The following DSCAM variants were observed in gnomAD, a reference collection of about 807,000 sequenced individuals.
DSCAM encodes the protein DS cell adhesion molecule, also known as cell adhesion molecule DSCAM.
A neutral mutation model predicts 217.7 loss-of-function variants in DSCAM; 47 were observed. The observed-to-expected ratio is 0.22, with a 90% CI of 0.17 to 0.28. DSCAM has a LOEUF of 0.28. Among genes scored for constraint, DSCAM ranks in the 10% least tolerant of loss-of-function variants. The pLI is 1.00. For synonymous variants in DSCAM, 1,056 were observed against 1,015.3 expected (o/e 1.04, Z -0.76); for missense variants, 2,080 against 2,618.3 (o/e 0.79, Z 4.49).
intron 3 of DSCAM, among the ~76,000 whole-genome samples, chr21:40,430,233 G>C (rs983953718): frequency 6.6e-6 from 1 of 152,206 alleles, no homozygotes; most frequent in African/African-American, 2.4e-5. Flanking sequence ...TTGATGTAGA[G>C]ACAGCTGTGA....
In DSCAM at chr21:40,347,659, G is replaced by A; in HGVS notation, c.1210+11C>T. ...CTTTTTCAGCCATACCCTGAAACGAGGCCCACTGACCTTCAAGGACCACCT... is the reference window on the plus strand; with the variant it reads ...CTTTTTCAGCCATACCCTGAAACGAAGCCCACTGACCTTCAAGGACCACCT... On this transcript the variant is annotated intron_variant, in intron 6 of 32. Transcript: ENST00000400454. 6.2e-7 allele frequency: 1 copy of A among 1,612,964 alleles called. No homozygotes were observed. The highest frequency in any genetic ancestry group is 8.5e-7 in the Non-Finnish European group (1 of 1,179,678).
At chr21:40,453,650 C>T (rs988692825) in intron 3 of DSCAM, among the ~76,000 whole-genome samples, 3 of 152,234 alleles carry the variant, frequency 2.0e-5, no homozygotes, top group African/African-American at 7.2e-5. Context: ...CTGCTGTTGA[C>T]AAGAGATAAA....
At chr21:40,249,807 G>T (rs550538657) in intron 11 of DSCAM, among the ~76,000 whole-genome samples, 35 of 152,238 alleles carry the variant, frequency 2.3e-4, no homozygotes, top group African/African-American at 7.5e-4. Context: ...CTTGCAGCCA[G>T]AAGAGAAGAG....
chr21:40,551,703 G>A (rs542465255), intron 3 of DSCAM, among the ~76,000 whole-genome samples: 3 of 152,138 alleles, frequency 2.0e-5, no homozygotes, highest in Non-Finnish European at 2.9e-5. Context: ...TTCTTTATCT[G>A]TTATGTGATA....
At chr21:40,069,874 G>A (rs1396411891) in intron 27 of DSCAM, among the ~76,000 whole-genome samples, 1 of 151,974 alleles carries the variant, frequency 6.6e-6, no homozygotes, top group East Asian at 1.9e-4. Flanking sequence ...GAAAACTGTG[G>A]CAGACATATA....
At chr21:40,784,657 A>G (rs949013974) in intron 1 of DSCAM, among the ~76,000 whole-genome samples, 7 of 152,184 alleles carry the variant, frequency 4.6e-5, no homozygotes, top group African/African-American at 1.7e-4. Flanking sequence ...TTGGGAGGTG[A>G]TTAATTCATG....
chr21:40,701,043 T>C (rs2090651377), intron 2 of DSCAM, among the ~76,000 whole-genome samples: 1 of 152,100 alleles, frequency 6.6e-6, no homozygotes, highest in Non-Finnish European at 1.5e-5. Context: ...TGGCCAAAAT[T>C]ATTATTTCTT....
chr21:40,633,511 A>C (rs2089719055), intron 3 of DSCAM, among the ~76,000 whole-genome samples: 1 of 152,244 alleles, frequency 6.6e-6, no homozygotes, highest in Non-Finnish European at 1.5e-5. Context: ...AATATGTACA[A>C]ATTTAAAAAG....
chr21:40,170,661 G>C (rs1601405825), intron 15 of DSCAM, among the ~76,000 whole-genome samples: 1 of 152,278 alleles, frequency 6.6e-6, no homozygotes, highest in African/African-American at 2.4e-5. Context: ...CTCATGGAAT[G>C]GATTTCCCTC....
intron 3 of DSCAM, among the ~76,000 whole-genome samples, chr21:40,437,905 G>A (rs2075597939): frequency 6.6e-6 from 1 of 152,172 alleles, no homozygotes; most frequent in Non-Finnish European, 1.5e-5. Context: ...TGGCAGTCAG[G>A]CCCTTGAGGC....
chr21:40,515,171 G>A lies in DSCAM; in HGVS notation c.509-145926C>T, dbSNP rs190019628. On this transcript the variant is annotated intron_variant, in intron 3 of 32. Coordinates refer to ENST00000400454, the MANE Select transcript of DSCAM (RefSeq NM_001389.5). ...CGTTCCAGATTTTCAAAAAGACTGC[G>A]AATTCATTTAAGAAAAAATAAAAAT... is the stretch of plus-strand genomic sequence containing the variant. Among the ~76,000 whole-genome samples the A allele has an allele frequency of 2.2e-3, 329 of 152,122 alleles. 7 individuals carry two copies. Among genetic ancestry groups the A allele is most frequent in the East Asian group, 6.0e-3 (31 of 5,186 alleles).
At chr21:40,679,744 A>G (rs2090379741) in intron 3 of DSCAM, among the ~76,000 whole-genome samples, 1 of 152,240 alleles carries the variant, frequency 6.6e-6, no homozygotes, top group Non-Finnish European at 1.5e-5. Flanking sequence ...GTTTTAATAA[A>G]TAAGTAAAGA....
chr21:40,806,960 G>A (rs1361593816), intron 1 of DSCAM, among the ~76,000 whole-genome samples: 1 of 152,136 alleles, frequency 6.6e-6, no homozygotes, highest in Non-Finnish European at 1.5e-5. Context: ...GGGCCTATCG[G>A]GGGTGAGGGG....
intron 3 of DSCAM, chr21:40,630,916 G>A (rs745615925): frequency 7.9e-5 from 12 of 152,164 alleles, no homozygotes; most frequent in African/African-American, 2.4e-4. Flanking sequence ...CGAAGTCCCC[G>A]CTTGAAGAAT....
intron 21 of DSCAM, among the ~76,000 whole-genome samples, chr21:40,090,992 C>T (rs957604437): frequency 6.6e-6 from 1 of 152,140 alleles, no homozygotes; most frequent in African/African-American, 2.4e-5. Flanking sequence ...ATCTCCTTCT[C>T]CACCCTCCTC....
intron 8 of DSCAM, among the ~76,000 whole-genome samples, chr21:40,313,448 C>T (rs558612088): frequency 6.6e-6 from 1 of 152,298 alleles, no homozygotes; most frequent in Admixed American, 6.5e-5. Flanking sequence ...TTTTGTCCAC[C>T]TTGCCTTAGG....
chr21:40,776,444 A>G (rs2091489370), intron 1 of DSCAM, among the ~76,000 whole-genome samples: 2 of 152,334 alleles, frequency 1.3e-5, no homozygotes, highest in Middle Eastern at 3.4e-3. Context: ...CACAACTTTG[A>G]TAAGTACTAC....
At position 40,080,080 on chromosome 21, in the gene DSCAM, T is replaced by G. The variant is rs1011016861; in HGVS notation, c.4420+72A>C. The G allele has an allele frequency of 4.7e-6, 6 of 1,285,302 alleles. No homozygotes were observed. In the African/African-American group the frequency reaches 9.1e-5, roughly 19 times the overall value. 79.6% of individuals were successfully genotyped at this position (1,285,302 alleles called of 1,614,324 possible). A position where few individuals can be genotyped will look rare whatever the true frequency, so the allele number is the denominator to read the frequency against. The stretch of plus-strand genomic sequence containing the variant: ...CATAAACGTAAAACATGATGGATCT[T>G]TTATGATTCCAATCTCCTCTTCTGG... On this transcript the variant is annotated intron_variant, in intron 25 of 32. Transcript: ENST00000400454.
At chr21:40,158,717 C>A (rs769567273) in intron 16 of DSCAM, among the ~76,000 whole-genome samples, 4 of 152,198 alleles carry the variant, frequency 2.6e-5, no homozygotes, top group Non-Finnish European at 5.9e-5. Flanking sequence ...AACCCTGTTT[C>A]CAACTTCAAA....
Sources: gnomAD v4.1 joint callset for allele counts (sites outside exome capture counted in the v4.1 genomes callset) on GRCh38, gnomAD v4.1.1 for gene constraint, MANE v1.5 for transcripts, NCBI Gene and HGNC (gene_info 2026-07-23, HGNC 2026-07-21) for gene names.